Variants in MED12L observed in about 807,000 individuals in gnomAD.
The protein encoded by MED12L is mediator of RNA polymerase II transcription subunit 12-like protein.
In MED12L, 60 loss-of-function variants were observed where a neutral mutation model predicts 281.3. The observed-to-expected ratio is 0.21, with a 90% confidence interval of 0.17 to 0.26. MED12L has a LOEUF of 0.26. Among genes scored for constraint, MED12L ranks in the 10% least tolerant of loss-of-function variants. The pLI is 1.00. For synonymous variants in MED12L, 974 were observed against 987.2 expected (o/e 0.99, Z 0.25); for missense variants, 2,146 against 2,680.9 (o/e 0.80, Z 4.41).
chr3:151,324,450 G>T (rs1749350722), intron 16 of MED12L, among the ~76,000 whole-genome samples: 1 of 152,134 alleles, frequency 6.6e-6, no homozygotes, highest in African/African-American at 2.4e-5. Flanking sequence ...AATATAGCAT[G>T]GGAGACTGGA....
At chr3:151,419,573 G>A (rs1379688254) in intron 43 of MED12L, among the ~76,000 whole-genome samples, 1 of 151,720 alleles carries the variant, frequency 6.6e-6, no homozygotes, top group African/African-American at 2.4e-5. Context: ...GACACACCGA[G>A]GATCAATACT....
Position 151,350,066 on chromosome 3 carries a change from C to T in MED12L, c.2258C>T (p.Ser753Phe). 6.2e-7 allele frequency: 1 copy of T among 1,608,938 alleles called. No homozygotes were observed. The highest frequency in any genetic ancestry group is 8.5e-7 in the Non-Finnish European group (1 of 1,176,984). The stretch of plus-strand genomic sequence containing the variant: ...GCATTTTCTGTTTTTCAGGATGAAT[C>T]TTCAAGTCATGAATGTAACCAGCGC... ...ATHFPIPLDE[S>F]SSHECNQRTI... Residue 753 changes from serine to phenylalanine, a missense_variant, in exon 17 of 45, where the codon TCT becomes TTT. By Grantham distance (155) the Ser-to-Phe change is radical. Transcript: ENST00000687756.
rs1755216921 is a variant in MED12L at position 151,365,907 on chromosome 3, T to C, written c.3243T>C (p.Ser1081=). Residue 1081 remains serine (S), a synonymous_variant, in exon 23 of 45, where the codon AGT becomes AGC. Coordinates refer to ENST00000687756, the MANE Select transcript of MED12L (RefSeq NM_001393769.1). ...TTACGGCTTGCTGCACTGTTCTTAG[T>C]TCAGAATGGCTGGGGGTTCTGAAGG... ...SELTACCTVL[S]SEWLGVLKAL... 3 of 1,613,834 alleles carry C rather than the reference T, an allele frequency of 1.9e-6. No individual in the cohort carries two copies. In the African/African-American group the frequency reaches 4.0e-5, roughly 22 times the overall value.
intron 16 of MED12L, among the ~76,000 whole-genome samples, chr3:151,208,823 G>A (rs982247093): frequency 6.6e-6 from 1 of 152,188 alleles, no homozygotes; most frequent in African/African-American, 2.4e-5. Context: ...TTCTGGGGCA[G>A]GTTTAGCAGG....
In MED12L at chr3:151,086,909, C is replaced by G; in HGVS notation, c.-18C>G. ...CAGCTCCAACTCTCATTCATTTCGC[C>G]GGTTAACATGAGAGATCATGGCCGC... On this transcript the variant is annotated 5_prime_UTR_variant, in exon 2 of 45. Coordinates refer to ENST00000687756, the MANE Select transcript of MED12L (RefSeq NM_001393769.1). 3 of 1,566,898 alleles carry G rather than the reference C, an allele frequency of 1.9e-6. No homozygotes were observed. Among genetic ancestry groups the G allele is most frequent in the Non-Finnish European group, 2.6e-6 (3 of 1,155,992 alleles).
At chr3:151,208,848 G>A in intron 16 of MED12L, among the ~76,000 whole-genome samples, 1 of 152,108 alleles carries the variant, frequency 6.6e-6, no homozygotes, top group Non-Finnish European at 1.5e-5. Flanking sequence ...CAGATGATGG[G>A]GGATTTGGGA....
Position 151,169,248 on chromosome 3 carries a change from G to A in MED12L, c.1494+3266G>A, listed in dbSNP as rs143127085. ...TTCTCCTGCCTCAGCCTTCCAAGTAGCTGGAATTACAGGTGCCCTGCCGTC... is the reference window on the plus strand; with the variant it reads ...TTCTCCTGCCTCAGCCTTCCAAGTAACTGGAATTACAGGTGCCCTGCCGTC... On this transcript the variant is annotated intron_variant, in intron 11 of 44. Transcript: ENST00000687756. Among the ~76,000 whole-genome samples the A allele has an allele frequency of 1.6e-3, 248 of 151,078 alleles. 1 individual carries two copies. Among genetic ancestry groups the A allele is most frequent in the African/African-American group, 5.5e-3 (225 of 41,076 alleles).
chr3:151,094,071 C>T (rs1241454688), intron 2 of MED12L, among the ~76,000 whole-genome samples: 1 of 152,212 alleles, frequency 6.6e-6, no homozygotes, highest in African/African-American at 2.4e-5. Context: ...GTTAATAGTG[C>T]CACCCGCAGG....
intron 3 of MED12L, among the ~76,000 whole-genome samples, chr3:151,122,507 C>A (rs533515587): frequency 3.3e-5 from 5 of 152,298 alleles, no homozygotes; most frequent in African/African-American, 7.2e-5. Flanking sequence ...GAAATTTATT[C>A]AGGATGTAAT....
At chr3:151,141,189 T>TTTTGTTTTTTTTGTTTTTTTGTTTTTTTG (rs1553808535) in intron 5 of MED12L, among the ~76,000 whole-genome samples, 4 of 138,048 alleles carry the variant, frequency 2.9e-5, no homozygotes, top group East Asian at 4.6e-4. Context: ...TTTTTTTTGT[T>TTTTGTTTTTTTTGTTTTTTTGTTTTTTTG]TTTTTTTTTT....
At chr3:151,230,225 C>T (rs978974473) in intron 16 of MED12L, among the ~76,000 whole-genome samples, 4 of 152,224 alleles carry the variant, frequency 2.6e-5, no homozygotes, top group Non-Finnish European at 5.9e-5. Flanking sequence ...CCGCAAGTCT[C>T]GGCCTCCTAA....
At chr3:151,108,560 G>A (rs915480226) in intron 2 of MED12L, among the ~76,000 whole-genome samples, 1 of 152,184 alleles carries the variant, frequency 6.6e-6, no homozygotes. Flanking sequence ...ACCATGAAAA[G>A]TGTTTTGTTT....
In MED12L at chr3:151,127,951, A is replaced by G; in HGVS notation, c.523A>G (p.Ile175Val). The change falls in exon 5 of 45, where the codon ATT becomes GTT. Residue 175 changes from isoleucine to valine, a missense_variant. This residue lies in a region of MED12L where 722 missense variants were observed against 861.2 expected (regional missense o/e 0.84). Coordinates refer to ENST00000687756, the MANE Select transcript of MED12L (RefSeq NM_001393769.1). ...AYYSAISEAK[I>V]KKRQAPDPNL... ...TTATTCTGCTATATCTGAAGCTAAA[A>G]TTAAGAAACGTCAGGCTCCTGATCC... The G allele has an allele frequency of 6.2e-7, 1 of 1,613,840 alleles. No homozygotes were observed. The highest frequency in any genetic ancestry group is 1.1e-5 in the South Asian group (1 of 90,958).
chr3:151,333,307 T>C (rs1750563187), intron 16 of MED12L, among the ~76,000 whole-genome samples: 1 of 152,210 alleles, frequency 6.6e-6, no homozygotes, highest in Non-Finnish European at 1.5e-5. Context: ...TTTAAGTCCT[T>C]TGAGAAAAGC....
intron 16 of MED12L, chr3:151,294,595 G>T: frequency 1.2e-6 from 2 of 1,614,102 alleles, no homozygotes; most frequent in Non-Finnish European, 1.7e-6. Flanking sequence ...TCACCAGCAC[G>T]GCCACAAACA....
At chr3:151,131,007 G>A (rs1169759391) in intron 5 of MED12L, among the ~76,000 whole-genome samples, 2 of 151,982 alleles carry the variant, frequency 1.3e-5, no homozygotes, top group Non-Finnish European at 2.9e-5. Context: ...TGAATAATTA[G>A]GCCTGAAACA....
intron 43 of MED12L, among the ~76,000 whole-genome samples, chr3:151,428,211 T>A (rs906186292): frequency 1.3e-5 from 2 of 152,186 alleles, no homozygotes; most frequent in African/African-American, 4.8e-5. Context: ...CAGTTACAGC[T>A]AAGTCAGGAT....
intron 2 of MED12L, among the ~76,000 whole-genome samples, chr3:151,115,854 T>G (rs1712688702): frequency 6.6e-6 from 1 of 151,320 alleles, no homozygotes; most frequent in Non-Finnish European, 1.5e-5. Context: ...GGTCAGGAGT[T>G]TGAGATCAGC....
At chr3:151,298,672 A>G (rs1745441205) in intron 16 of MED12L, among the ~76,000 whole-genome samples, 1 of 152,198 alleles carries the variant, frequency 6.6e-6, no homozygotes, top group South Asian at 2.1e-4. Context: ...TTTGGGACGT[A>G]AGGGAACTTT....
Sources: allele counts gnomAD v4.1 joint callset (sites outside exome capture counted in the v4.1 genomes callset), GRCh38; gene constraint gnomAD v4.1.1; regional missense constraint gnomAD v4.1.1; transcripts MANE v1.5; gene names NCBI Gene and HGNC (gene_info 2026-07-23, HGNC 2026-07-21).